The following BAP1 variants were observed in gnomAD, a reference collection of about 807,000 sequenced individuals.
BAP1 encodes ubiquitin carboxyl-terminal hydrolase BAP1.
Under a neutral mutation model 77.2 loss-of-function variants are expected in BAP1, and 16 were observed. The observed-to-expected ratio is 0.21, with a 90% confidence interval of 0.14 to 0.31. The LOEUF is 0.31. BAP1 is among the 10% of genes least tolerant of loss of function. The pLI is 1.00. For missense variants in BAP1, 699 were observed against 967.3 expected (o/e 0.72, Z 3.68); for synonymous variants, 362 against 385.2 (o/e 0.94, Z 0.71).
chr3:52,405,680 A>G, intron 10 of BAP1, 85 bp downstream of exon 10: 2 of 1,570,026 alleles, frequency 1.3e-6, no homozygotes, highest in Non-Finnish European at 1.7e-6. Context: ...CATCCCCAGA[A>G]AAAGACTTTC....
chr3:52,408,208 C>G, intron 4 of BAP1, 131 bp from the exon 5 acceptor site: 1 of 1,450,264 alleles, frequency 6.9e-7, no homozygotes, highest in Non-Finnish European at 9.5e-7. Flanking sequence ...CTCCTTTCAT[C>G]TTTGCCTAAT....
rs891522154 is a variant in BAP1, at chr3:52,401,907, C to T, written c.*381G>A. Reference sequence around the variant, plus strand: ...CAGCTCCTAGGAGAGAAAGCATAGTCAGGTAGGAACTTATGTCAACATGGT... The same window carrying T: ...CAGCTCCTAGGAGAGAAAGCATAGTTAGGTAGGAACTTATGTCAACATGGT... On this transcript the variant is annotated 3_prime_UTR_variant, in exon 17 of 17. Coordinates refer to ENST00000460680, the MANE Select transcript of BAP1 (RefSeq NM_004656.4). 1 of 384,686 alleles carries T rather than the reference C, an allele frequency of 2.6e-6. No individual in the cohort carries two copies. The highest frequency in any genetic ancestry group is 4.8e-6 in the Non-Finnish European group (1 of 207,024). 23.8% of individuals were successfully genotyped at this position (384,686 alleles called of 1,614,324 possible). A position where few individuals can be genotyped will look rare whatever the true frequency, so the allele number is the denominator to read the frequency against.
chr3:52,405,517 A>AAC, intron 10 of BAP1: 1 of 631,552 alleles, frequency 1.6e-6, no homozygotes, highest in Non-Finnish European at 2.6e-6. Context: ...AAAAAAAAAA[A>AAC]AAAACCGCCT....
At chr3:52,405,562 A>G in intron 10 of BAP1, 1 of 748,220 alleles carries the variant, frequency 1.3e-6, no homozygotes, top group South Asian at 1.8e-5. Context: ...TACATTACAG[A>G]GAAGGGCCCA....
At position 52,405,171 on chromosome 3, in the gene BAP1, G is replaced by A. The variant is rs1559588419; in HGVS notation, c.1055C>T (p.Pro352Leu). 1 of 1,614,176 alleles carries A rather than the reference G, an allele frequency of 6.2e-7. No homozygotes were observed. Residue 352 changes from proline to leucine, a missense_variant, in exon 11 of 17, where the codon CCC (proline) becomes CTC (leucine). Physicochemically the swap from Pro to Leu is moderately conservative, Grantham distance 98. Coordinates refer to ENST00000460680, the MANE Select transcript of BAP1 (RefSeq NM_004656.4). ...AAAGGCCGGCAGCCGCTGGACAATG[G>A]GAGTGGGGTTGGGGTGAACCCCATT... ...SLNGVHPNPT[P>L]IVQRLPAFLD...
chr3:52,408,110 C>T (rs980891294), intron 4 of BAP1, 33 bp from the exon 5 acceptor site: 1 of 1,579,770 alleles, frequency 6.3e-7, no homozygotes, highest in Admixed American at 1.8e-5. Context: ...CCATACACAG[C>T]ACCCCTCACT....
chr3:52,408,496 T>G lies in BAP1; in HGVS notation c.233A>C (p.Asn78Thr), dbSNP rs1319729011. The G allele has an allele frequency of 6.2e-7, 1 of 1,612,158 alleles. No homozygotes were observed. Among genetic ancestry groups the G allele is most frequent in the Non-Finnish European group, 8.5e-7 (1 of 1,179,344 alleles). Residue 78 changes from asparagine (N) to threonine (T), a missense_variant, in exon 4 of 17, where the codon AAT becomes ACT. Transcript: ENST00000460680. Reference protein sequence around the residue: ...DTSVIDDDIVNNMFFAHQLIP... With the variant: ...DTSVIDDDIVTNMFFAHQLIP... Reference sequence around the variant, plus strand: ...GACCTGGTGGGCAAAGAACATGTTATTCACAATATCATCATCAATCACGGA... The same window carrying G: ...GACCTGGTGGGCAAAGAACATGTTAGTCACAATATCATCATCAATCACGGA...
intron 5 of BAP1, 78 bp from the exon 6 acceptor site, chr3:52,407,538 G>A (rs776948108): frequency 1.9e-6 from 3 of 1,580,186 alleles, no homozygotes; most frequent in African/African-American, 1.3e-5. Flanking sequence ...AAGCTTCAGA[G>A]AGCAGCCTGG....
In BAP1 at chr3:52,406,941, G is replaced by A. The variant is rs1298855097; in HGVS notation, c.581-34C>T. ...GACCAAGACAAGGAATCAGCGAGAA[G>A]GAAACCCTGAGTTTGGGCAGGCCAG... On this transcript the variant is annotated intron_variant, in intron 7 of 16. Transcript: ENST00000460680. The surrounding 1 kb of genome is among the most constrained non-coding windows in gnomAD (Gnocchi z 4.6). 3.9e-6 allele frequency: 6 copies of A among 1,557,280 alleles called. No homozygotes were observed. The Admixed American group carries it at 9.6e-5, about 25-fold the overall frequency.
At position 52,405,876 on chromosome 3, in the gene BAP1, G is replaced by A. The variant is rs763382761; in HGVS notation, c.820C>T (p.His274Tyr). 6.2e-7 allele frequency: 1 copy of A among 1,614,146 alleles called. No homozygotes were observed. Among genetic ancestry groups the A allele is most frequent in the South Asian group, 1.1e-5 (1 of 91,080 alleles). ...RVTQPELIQT[H>Y]KSQESQLPEE... ...GGCAGCTGTGACTCTTGAGACTTGT[G>A]GGTCTGAATCAGCTCTGGCTGTGTT... The change falls in exon 10 of 17, where the codon CAC becomes TAC. Residue 274 changes from histidine (H) to tyrosine (Y), a missense_variant. Transcript: ENST00000460680.
chr3:52,407,351 T>C (rs2153227904), intron 6 of BAP1, 35 bp from the exon 7 acceptor site: 2 of 1,614,054 alleles, frequency 1.2e-6, no homozygotes, highest in East Asian at 2.2e-5. Flanking sequence ...CAAAAAATGA[T>C]ACTCCCCCTA....
rs935408222 is a variant in BAP1 at position 52,407,363 on chromosome 3, T to C, written c.437+36A>G. Reference sequence around the variant, plus strand: ...GCCCAAAAAATGATACTCCCCCTACTCCCACCCCACATCAGCTCCCACAGC... The same window carrying C: ...GCCCAAAAAATGATACTCCCCCTACCCCCACCCCACATCAGCTCCCACAGC... On this transcript the variant is annotated intron_variant, in intron 6 of 16. Transcript: ENST00000460680. 6.8e-6 allele frequency: 11 copies of C among 1,613,934 alleles called. No homozygotes were observed. The African/African-American group carries it at 1.3e-4, about 20-fold the overall frequency.
chr3:52,406,976 G>A lies in BAP1; in HGVS notation c.581-69C>T, dbSNP rs2153227703. 1 of 1,521,530 alleles carries A rather than the reference G, an allele frequency of 6.6e-7. No individual in the cohort carries two copies. Among genetic ancestry groups the A allele is most frequent in the Non-Finnish European group, 8.9e-7 (1 of 1,118,664 alleles). 94.3% of individuals were successfully genotyped at this position (1,521,530 alleles called of 1,614,324 possible). ...AGTTTGGGCAGGCCAGGAGTGGGAAGGAAGACAGAGAAGAGCAGTTGAGCC... is the reference window on the plus strand; with the variant it reads ...AGTTTGGGCAGGCCAGGAGTGGGAAAGAAGACAGAGAAGAGCAGTTGAGCC... On this transcript the variant is annotated intron_variant, in intron 7 of 16. Coordinates refer to ENST00000460680, the MANE Select transcript of BAP1 (RefSeq NM_004656.4). The surrounding 1 kb of genome is among the most constrained non-coding windows in gnomAD (Gnocchi z 4.6).
chr3:52,405,396 G>T, intron 10 of BAP1, 102 bp from the exon 11 acceptor site: 2 of 1,310,626 alleles, frequency 1.5e-6, no homozygotes, highest in Non-Finnish European at 1.0e-6. Context: ...GAGAAGAACA[G>T]CCCAGCCAGC....
intron 12 of BAP1, 115 bp downstream of exon 12, chr3:52,404,338 A>G (rs1705076074): frequency 6.3e-7 from 1 of 1,578,914 alleles, no homozygotes; most frequent in South Asian, 1.1e-5. Flanking sequence ...CAGGGCCCCA[A>G]ACTCCGCAGG....
In BAP1 at chr3:52,409,898, T is replaced by A; in HGVS notation, c.-20A>T. On this transcript the variant is annotated 5_prime_UTR_variant, in exon 1 of 17. Transcript: ENST00000460680. ...ATTCATCTTCCCGCGGGGCGGCCCC[T>A]CAGCGCCATGTCCAGGCCCTCCCTC... The A allele has an allele frequency of 6.2e-7, 1 of 1,603,852 alleles. No individual in the cohort carries two copies. The highest frequency in any genetic ancestry group is 2.2e-5 in the East Asian group (1 of 44,822).
At chr3:52,405,645 A>G (rs2153227146) in intron 10 of BAP1, 120 bp downstream of exon 10, 2 of 1,467,906 alleles carry the variant, frequency 1.4e-6, no homozygotes, top group South Asian at 2.5e-5. Flanking sequence ...CTACCTTCTG[A>G]CGGGGGAAGA....
Position 52,403,200 on chromosome 3 carries a change from T to C in BAP1, c.1828A>G (p.Arg610Gly), listed in dbSNP as rs1360392234. Residue 610 changes from arginine to glycine, a missense_variant, in exon 14 of 17, where the codon AGA (arginine) becomes GGA (glycine). Around this residue, in one of 3 missense-constraint regions of BAP1, gnomAD observed 475 missense variants for 532.4 expected, o/e 0.89. Coordinates refer to ENST00000460680, the MANE Select transcript of BAP1 (RefSeq NM_004656.4). The surrounding 1 kb of genome is among the most constrained non-coding windows in gnomAD (Gnocchi z 4.0). ...GGCCTCACCATCCCCGTCTTCTCTC[T>C]GCTGTCCGTGGCTTCCACGACCTCC... is the stretch of plus-strand genomic sequence containing the variant. ...EKEVVEATDS[R>G]EKTGMVRPGE... 2 of 1,614,226 alleles carry C rather than the reference T, an allele frequency of 1.2e-6. No individual in the cohort carries two copies. Among genetic ancestry groups the C allele is most frequent in the East Asian group, 2.2e-5 (1 of 44,884 alleles).
rs2153227002 is a variant in BAP1 at position 52,405,134 on chromosome 3, G to A, written c.1092C>T (p.His364=). 2 of 1,614,180 alleles carry A rather than the reference G, an allele frequency of 1.2e-6. No individual in the cohort carries two copies. Among genetic ancestry groups the A allele is most frequent in the African/African-American group, 1.3e-5 (1 of 75,068 alleles). ...VQRLPAFLDN[H]NYAKSPMQEE... is the part of the protein sequence containing the mutation. ...CCTGCATGGGGGACTTGGCATAATT[G>A]TGATTGTCTAGAAAGGCCGGCAGCC... The change falls in exon 11 of 17, where the codon CAC becomes CAT. Residue 364 remains histidine, a synonymous_variant. Coordinates refer to ENST00000460680, the MANE Select transcript of BAP1 (RefSeq NM_004656.4).
Sources: allele counts gnomAD v4.1 joint callset, GRCh38; gene constraint gnomAD v4.1.1; regional missense constraint gnomAD v4.1.1; non-coding constraint Gnocchi (gnomAD v3.1); transcripts MANE v1.5; gene names NCBI Gene and HGNC (gene_info 2026-07-23, HGNC 2026-07-21).